Variants in KLF12 observed in about 807,000 individuals in gnomAD.
KLF12 encodes Krueppel-like factor 12.
A neutral mutation model predicts 37.8 loss-of-function variants in KLF12; 9 were observed. The observed-to-expected ratio is 0.24, with a 90% CI of 0.14 to 0.42. KLF12 has a LOEUF of 0.42. Among genes scored for constraint, KLF12 ranks in the 10% least tolerant of loss-of-function variants. The pLI is 1.00. For missense variants in KLF12, 411 were observed against 516.0 expected (o/e 0.80, Z 1.97); for synonymous variants, 208 against 202.1 (o/e 1.03, Z -0.25).
At chr13:73,930,514 C>G (rs1414325179) in intron 3 of KLF12, among the ~76,000 whole-genome samples, 1 of 152,172 alleles carries the variant, frequency 6.6e-6, no homozygotes, top group Non-Finnish European at 1.5e-5. Context: ...TAAAAACCAT[C>G]ATTCATTTAA....
intron 1 of KLF12, among the ~76,000 whole-genome samples, chr13:74,063,109 TGTC>T (rs2138660070): frequency 1.3e-5 from 2 of 152,322 alleles, no homozygotes; most frequent in South Asian, 4.1e-4. Context: ...CGGTGCACCA[TGTC>T]AGGGTGCTAA....
chr13:73,710,591 T>C (rs1255314668), intron 7 of KLF12, among the ~76,000 whole-genome samples: 1 of 152,182 alleles, frequency 6.6e-6, no homozygotes, highest in Admixed American at 6.5e-5. Flanking sequence ...TCAGTGACCT[T>C]TGATGTTTCT....
the KLF12 span, among the ~76,000 whole-genome samples, chr13:74,193,794 T>C: frequency 6.6e-6 from 1 of 152,204 alleles, no homozygotes; most frequent in Non-Finnish European, 1.5e-5. Flanking sequence ...ACCTTCACGA[T>C]GTCTGATCTC....
At chr13:74,255,716 T>C in the KLF12 span, among the ~76,000 whole-genome samples, 1 of 152,180 alleles carries the variant, frequency 6.6e-6, no homozygotes, top group Non-Finnish European at 1.5e-5. Flanking sequence ...TTGTTGTATA[T>C]AGGAGAACTA....
intron 6 of KLF12, among the ~76,000 whole-genome samples, chr13:73,727,341 C>T (rs1876738152): frequency 6.6e-6 from 1 of 152,128 alleles, no homozygotes; most frequent in Admixed American, 6.5e-5. Flanking sequence ...CATTTAGATA[C>T]ATGATCAATT....
chr13:74,083,722 T>C (rs1292210481), intron 1 of KLF12, among the ~76,000 whole-genome samples: 2 of 152,192 alleles, frequency 1.3e-5, no homozygotes, highest in African/African-American at 4.8e-5. Flanking sequence ...AGCTCAAACA[T>C]AATTGAGTAA....
chr13:74,301,077 G>A, the KLF12 span, among the ~76,000 whole-genome samples: 2 of 152,152 alleles, frequency 1.3e-5, no homozygotes, highest in Admixed American at 6.6e-5. Flanking sequence ...CTTAAGCCAT[G>A]TTCTAAAAAT....
At chr13:73,785,890 T>C (rs571149318) in intron 5 of KLF12, among the ~76,000 whole-genome samples, 3 of 152,146 alleles carry the variant, frequency 2.0e-5, no homozygotes, top group Admixed American at 6.5e-5. Context: ...TCTGGGCAGA[T>C]AGCGGAAGGC....
Position 73,690,347 on chromosome 13 carries a change from T to A in KLF12, c.*5143A>T, listed in dbSNP as rs1045376014. The A allele has an allele frequency of 3.3e-5, 5 of 152,478 alleles. No individual in the cohort carries two copies. The highest frequency in any genetic ancestry group is 1.2e-4 in the African/African-American group (5 of 41,452). 9.4% of individuals were successfully genotyped at this position (152,478 alleles called of 1,614,324 possible). On this transcript the variant is annotated 3_prime_UTR_variant, in exon 8 of 8. Transcript: ENST00000377669. ...TCCACAGCACTTAATCTTGTCAACA[T>A]GTAGTTATACCTAAAAGCAGTCTCC...
chr13:74,048,347 C>T (rs1593856596), intron 1 of KLF12, among the ~76,000 whole-genome samples: 1 of 152,180 alleles, frequency 6.6e-6, no homozygotes, highest in Non-Finnish European at 1.5e-5. Context: ...GCCTCTCTCA[C>T]AGCTGGGTTT....
chr13:74,007,897 C>T lies in KLF12; in HGVS notation c.-31-12844G>A, dbSNP rs181629415. ...CAACTGGTACATGGAAAAAAAAAAA[C>T]GCAATGTGAAATAAAATTAAACCAG... On this transcript the variant is annotated intron_variant, in intron 1 of 7. Transcript: ENST00000377669. Among the ~76,000 whole-genome samples the T allele has an allele frequency of 2.5e-3, 366 of 143,534 alleles. 3 individuals carry two copies. The highest frequency in any genetic ancestry group is 8.4e-3 in the African/African-American group (323 of 38,590). The allele number at this position is 143,534 out of a possible 152,430, so 94.2% of individuals were successfully genotyped here.
chr13:73,729,465 GGT>G, intron 6 of KLF12, among the ~76,000 whole-genome samples: 1 of 152,164 alleles, frequency 6.6e-6, no homozygotes, highest in Non-Finnish European at 1.5e-5. Flanking sequence ...AGGCAGGGTA[GGT>G]ACTGTTACTG....
chr13:74,198,821 C>T, the KLF12 span, among the ~76,000 whole-genome samples: 1 of 152,138 alleles, frequency 6.6e-6, no homozygotes, highest in Non-Finnish European at 1.5e-5. Context: ...ACTCTGCACA[C>T]ACCTGAGTCT....
At chr13:74,063,105 ACC>A (rs2138660007) in intron 1 of KLF12, among the ~76,000 whole-genome samples, 2 of 152,302 alleles carry the variant, frequency 1.3e-5, no homozygotes, top group South Asian at 4.1e-4. Context: ...GCCTCGGTGC[ACC>A]ATGTCAGGGT....
intron 2 of KLF12, among the ~76,000 whole-genome samples, chr13:73,967,897 C>A (rs1243355239): frequency 2.6e-5 from 4 of 152,158 alleles, no homozygotes. Flanking sequence ...TCAGGGCCCA[C>A]TGAAGTGTAT....
intron 3 of KLF12, among the ~76,000 whole-genome samples, chr13:73,881,242 A>G (rs565705548): frequency 1.1e-4 from 16 of 152,300 alleles, no homozygotes; most frequent in African/African-American, 3.1e-4. Flanking sequence ...ATTCTGCTAG[A>G]ATCATTAAAG....
chr13:74,023,120 A>G (rs1892885431), intron 1 of KLF12, among the ~76,000 whole-genome samples: 1 of 152,198 alleles, frequency 6.6e-6, no homozygotes, highest in Non-Finnish European at 1.5e-5. Flanking sequence ...AAACATACAG[A>G]TGCCCAGGCC....
chr13:74,094,554 G>T (rs1267967861), intron 1 of KLF12, among the ~76,000 whole-genome samples: 1 of 151,568 alleles, frequency 6.6e-6, no homozygotes, highest in East Asian at 1.9e-4. Flanking sequence ...CACATAGGAG[G>T]TAGTAAATGC....
intron 3 of KLF12, among the ~76,000 whole-genome samples, chr13:73,856,578 T>C (rs756395813): frequency 2.6e-5 from 4 of 152,114 alleles, no homozygotes; most frequent in Non-Finnish European, 5.9e-5. Context: ...AGTCACCTCT[T>C]GAGCAGAGGA....
Sources: gnomAD v4.1 joint callset for allele counts (sites outside exome capture counted in the v4.1 genomes callset) on GRCh38, gnomAD v4.1.1 for gene constraint, MANE v1.5 for transcripts, NCBI Gene and HGNC (gene_info 2026-07-23, HGNC 2026-07-21) for gene names.